The following CFAP54 variants were observed in gnomAD, a reference collection of about 807,000 sequenced individuals.
CFAP54 encodes cilia and flagella associated protein 54, also known as cilia- and flagella-associated protein 54.
CFAP54 carries 290 observed loss-of-function variants against 370.4 expected under a neutral mutation model. The ratio of observed to expected loss-of-function variants is 0.78; its 90% confidence interval spans 0.71 to 0.86. CFAP54 has a LOEUF of 0.86. Ranked by LOEUF, CFAP54 falls within the 40% of genes least tolerant of loss-of-function variation. The probability of loss-of-function intolerance (pLI) is 0.00; values close to 1 mark genes in which losing one functional copy is unlikely to be tolerated. For synonymous variants in CFAP54, 1,206 were observed against 1,236.5 expected (o/e 0.98, Z 0.52); for missense variants, 3,399 against 3,528.7 (o/e 0.96, Z 0.93).
intron 39 of CFAP54, among the ~76,000 whole-genome samples, chr12:96,676,222 T>C (rs549527973): frequency 3.3e-5 from 5 of 152,084 alleles, no homozygotes; most frequent in Non-Finnish European, 5.9e-5. Context: ...CCATCCTGAT[T>C]TTGGTGAGAG....
chr12:96,753,806 C>T lies in CFAP54; in HGVS notation c.7748C>T (p.Pro2583Leu). ...NKRKDPSKWL[P>L]ALHLFDVALK... Reference sequence around the variant, plus strand: ...AGGAAGGACCCCTCGAAGTGGTTACCTGCTCTTCATCTGTTTGATGTGGCA... The same window carrying T: ...AGGAAGGACCCCTCGAAGTGGTTACTTGCTCTTCATCTGTTTGATGTGGCA... The change falls in exon 56 of 68, where the codon CCT (proline) becomes CTT (leucine). Residue 2583 changes from proline to leucine, a missense_variant. Coordinates refer to ENST00000524981, the MANE Select transcript of CFAP54 (RefSeq NM_001306084.2). 2 of 1,614,012 alleles carry T rather than the reference C, an allele frequency of 1.2e-6. No homozygotes were observed. Among genetic ancestry groups the T allele is most frequent in the Non-Finnish European group, 1.7e-6 (2 of 1,179,934 alleles).
chr12:96,721,019 CAA>C (rs201204122), intron 50 of CFAP54, among the ~76,000 whole-genome samples: 3 of 118,306 alleles, frequency 2.5e-5, no homozygotes, highest in Admixed American at 1.7e-4. Flanking sequence ...GACTCTGTCT[CAA>C]AAAAAAAAAA....
chr12:96,506,462 C>CT (rs895351794), intron 3 of CFAP54, among the ~76,000 whole-genome samples: 66 of 143,494 alleles, frequency 4.6e-4, no homozygotes, highest in South Asian at 8.8e-4. Context: ...AGAAACCTAT[C>CT]TTTTTTTTTT....
In CFAP54 at chr12:96,602,679, T is replaced by C. The variant is rs543584662; in HGVS notation, c.3639+3912T>C. Reference sequence around the variant, plus strand: ...TATATATTTAGGATAGTTACCTCATTTTGTTGAATTGATCCCTTTACCATT... The same window carrying C: ...TATATATTTAGGATAGTTACCTCATCTTGTTGAATTGATCCCTTTACCATT... On this transcript the variant is annotated intron_variant, in intron 26 of 67. Coordinates refer to ENST00000524981, the MANE Select transcript of CFAP54 (RefSeq NM_001306084.2). 1.8e-4 allele frequency among the ~76,000 whole-genome samples: 28 copies of C among 152,248 alleles called. No individual in the cohort carries two copies. In the South Asian group the frequency reaches 5.6e-3, roughly 30 times the overall value.
chr12:96,644,433 T>C (rs1956768025), intron 33 of CFAP54, 25 bp downstream of exon 33: 4 of 1,440,806 alleles, frequency 2.8e-6, no homozygotes, highest in Non-Finnish European at 2.8e-6. Flanking sequence ...TGATGAAAAA[T>C]ACTTTTTTAG....
intron 39 of CFAP54, among the ~76,000 whole-genome samples, chr12:96,670,157 A>G (rs1230250830): frequency 6.6e-6 from 1 of 151,228 alleles, no homozygotes; most frequent in Non-Finnish European, 1.5e-5. Flanking sequence ...CTAGGAGTGT[A>G]TACAGAGAGG....
chr12:96,594,474 G>A lies in CFAP54; in HGVS notation c.3516+28G>A, dbSNP rs371472101. ...AAGGGTATTCCTCTCCCCAAGAGAA[G>A]GGAATCTTTATAAAGGCAACTTAAC... On this transcript the variant is annotated intron_variant, in intron 25 of 67. Coordinates refer to ENST00000524981, the MANE Select transcript of CFAP54 (RefSeq NM_001306084.2). 13 of 1,422,364 alleles carry A rather than the reference G, an allele frequency of 9.1e-6. No homozygotes were observed. In the African/African-American group the frequency reaches 1.6e-4, roughly 17 times the overall value. The allele number at this position is 1,422,364 out of a possible 1,614,324, so 88.1% of individuals were successfully genotyped here. A position where few individuals can be genotyped will look rare whatever the true frequency, so the allele number is the denominator to read the frequency against.
chr12:96,501,007 C>CCTG, intron 2 of CFAP54, 68 bp downstream of exon 2: 1 of 821,660 alleles, frequency 1.2e-6, no homozygotes, highest in South Asian at 1.9e-5. Flanking sequence ...AGTATTTAGT[C>CCTG]TGATACCCTT....
chr12:96,581,062 A>AT lies in CFAP54; in HGVS notation c.3033dup (p.Pro1012SerfsTer21). 1.3e-6 allele frequency: 2 copies of AT among 1,526,840 alleles called. No individual in the cohort carries two copies. The highest frequency in any genetic ancestry group is 1.8e-6 in the Non-Finnish European group (2 of 1,142,482). The allele number at this position is 1,526,840 out of a possible 1,614,324, so 94.6% of individuals were successfully genotyped here. A position where few individuals can be genotyped will look rare whatever the true frequency, so the allele number is the denominator to read the frequency against. Reference sequence around the variant, plus strand: ...GAGACAACTAAACCAATTCTGGTTTATCCCCCTCTTTCTACTATTACTGCT... The same window carrying AT: ...GAGACAACTAAACCAATTCTGGTTTATTCCCCCTCTTTCTACTATTACTGCT... On this transcript the variant is annotated frameshift_variant, in exon 22 of 68. Coordinates refer to ENST00000524981, the MANE Select transcript of CFAP54 (RefSeq NM_001306084.2). LOFTEE classifies it high-confidence loss of function.
intron 44 of CFAP54, 79 bp downstream of exon 44, chr12:96,691,389 A>G: frequency 1.9e-6 from 2 of 1,078,324 alleles, no homozygotes; most frequent in Non-Finnish European, 2.6e-6. Context: ...AAATTTTGCT[A>G]ATGTTCTTTT....
At chr12:96,799,071 A>T (rs981176204) in intron 63 of CFAP54, among the ~76,000 whole-genome samples, 5 of 152,204 alleles carry the variant, frequency 3.3e-5, no homozygotes, top group African/African-American at 1.2e-4. Context: ...ATCTATATCC[A>T]TATGGATGGA....
chr12:96,815,075 T>A (rs925585243), intron 64 of CFAP54, among the ~76,000 whole-genome samples: 1 of 152,202 alleles, frequency 6.6e-6, no homozygotes, highest in African/African-American at 2.4e-5. Context: ...TACCCAGTAA[T>A]GGGATTGCTG....
chr12:96,826,230 G>A (rs993673713), intron 65 of CFAP54, among the ~76,000 whole-genome samples: 8 of 143,256 alleles, frequency 5.6e-5, no homozygotes, highest in Admixed American at 5.1e-4. Flanking sequence ...CAAGGAAAAG[G>A]CCAAATTTCA....
At chr12:96,525,038 A>C (rs1381340931) in intron 8 of CFAP54, among the ~76,000 whole-genome samples, 2 of 152,034 alleles carry the variant, frequency 1.3e-5, no homozygotes, top group East Asian at 1.9e-4. Context: ...TAAACACTTT[A>C]TTTCTCTTGA....
intron 14 of CFAP54, among the ~76,000 whole-genome samples, chr12:96,545,298 A>AC (rs1955626331): frequency 6.6e-6 from 1 of 152,114 alleles, no homozygotes; most frequent in South Asian, 2.1e-4. Context: ...CCTAATACAG[A>AC]TAACGGGTTG....
In CFAP54 at chr12:96,589,473, C is replaced by T. The variant is rs752509513; in HGVS notation, c.3122C>T (p.Ser1041Leu). ...GNYELAKKVF[S>L]PVWDYFVASP... is the part of the protein sequence containing the mutation. ...TATGAATTGGCTAAGAAAGTTTTCT[C>T]ACCAGTTTGGGATTATTTTGTTGCT... Residue 1041 changes from serine (S) to leucine (L), a missense_variant, in exon 23 of 68, where the codon TCA becomes TTA. Ser to Leu is a moderately radical substitution (Grantham distance 145, BLOSUM62 -2). Around this residue, in one of 3 missense-constraint regions of CFAP54, gnomAD observed 2,796 missense variants for 2,869.7 expected, o/e 0.97. Transcript: ENST00000524981. The T allele has an allele frequency of 2.0e-6, 3 of 1,531,946 alleles. No individual in the cohort carries two copies. The highest frequency in any genetic ancestry group is 2.6e-6 in the Non-Finnish European group (3 of 1,143,354). The allele number at this position is 1,531,946 out of a possible 1,614,324, so 94.9% of individuals were successfully genotyped here. A position where few individuals can be genotyped will look rare whatever the true frequency, so the allele number is the denominator to read the frequency against.
intron 39 of CFAP54, 75 bp downstream of exon 39, chr12:96,664,007 T>C: frequency 9.6e-7 from 1 of 1,036,844 alleles, no homozygotes; most frequent in Non-Finnish European, 1.5e-6. Flanking sequence ...ATGTCAAACC[T>C]TCCATAATTA....
intron 9 of CFAP54, among the ~76,000 whole-genome samples, chr12:96,532,709 C>T (rs748093197): frequency 7.9e-5 from 12 of 152,080 alleles, no homozygotes; most frequent in Non-Finnish European, 1.6e-4. Context: ...TAACCTGGAC[C>T]TCCTGGGCTC....
At chr12:96,725,335 A>G (rs1307037879) in intron 50 of CFAP54, among the ~76,000 whole-genome samples, 3 of 151,600 alleles carry the variant, frequency 2.0e-5, no homozygotes, top group Non-Finnish European at 2.9e-5. Flanking sequence ...ATTTGTTTGT[A>G]TCCTCTTTTA....
Sources: gnomAD v4.1 joint callset for allele counts (sites outside exome capture counted in the v4.1 genomes callset) on GRCh38, gnomAD v4.1.1 for gene constraint, gnomAD v4.1.1 regional missense constraint, MANE v1.5 for transcripts, NCBI Gene and HGNC (gene_info 2026-07-23, HGNC 2026-07-21) for gene names.